TUSC3: variants seen among roughly 807,000 people sequenced by gnomAD.
The protein encoded by TUSC3 is tumor suppressor candidate 3.
In TUSC3, 45 loss-of-function variants were observed where a neutral mutation model predicts 44.8. The observed-to-expected ratio is 1.00, with a 90% CI of 0.79 to 1.29. TUSC3 has a LOEUF of 1.29. Among genes scored for constraint, TUSC3 ranks in the 50% most tolerant of loss-of-function variants. TUSC3 has a pLI of 0.00. For synonymous variants in TUSC3, 212 were observed against 152.9 expected (o/e 1.39, Z -2.85); for missense variants, 519 against 437.9 (o/e 1.19, Z -1.65).
chr8:15,571,509 T>G (rs150455510), intron 1 of TUSC3, among the ~76,000 whole-genome samples: 1 of 152,180 alleles, frequency 6.6e-6, no homozygotes, highest in South Asian at 2.1e-4. Flanking sequence ...TTAAAAAATA[T>G]GATCTTCTGA....
chr8:15,589,579 C>G (rs886915967), intron 1 of TUSC3, among the ~76,000 whole-genome samples: 2 of 152,068 alleles, frequency 1.3e-5, no homozygotes, highest in African/African-American at 4.8e-5. Context: ...AATTAGCTTG[C>G]TGCCACATTG....
intron 5 of TUSC3, among the ~76,000 whole-genome samples, chr8:15,663,020 A>T (rs1414586960): frequency 6.6e-6 from 1 of 151,952 alleles, no homozygotes; most frequent in African/African-American, 2.4e-5. Context: ...ATGGCAAGGT[A>T]GGAGGGGAAA....
At chr8:15,695,935 A>G (rs1331555309) in intron 6 of TUSC3, among the ~76,000 whole-genome samples, 1 of 152,152 alleles carries the variant, frequency 6.6e-6, no homozygotes, top group Non-Finnish European at 1.5e-5. Flanking sequence ...TGTTAAACGC[A>G]TTCAGTTTTA....
intron 1 of TUSC3, among the ~76,000 whole-genome samples, chr8:15,543,410 G>A (rs1335520053): frequency 6.6e-6 from 1 of 152,048 alleles, no homozygotes; most frequent in Non-Finnish European, 1.5e-5. Context: ...ATACCACCAT[G>A]GATGGATTTT....
intron 2 of TUSC3, among the ~76,000 whole-genome samples, chr8:15,484,371 T>C (rs911971587): frequency 3.3e-5 from 5 of 152,252 alleles, no homozygotes; most frequent in African/African-American, 1.2e-4. Context: ...TGTTTTCTAG[T>C]TGCTTCATTT....
intron 1 of TUSC3, among the ~76,000 whole-genome samples, chr8:15,549,329 A>G (rs1386641338): frequency 6.6e-6 from 1 of 151,520 alleles, no homozygotes; most frequent in Non-Finnish European, 1.5e-5. Context: ...GCACGCCACC[A>G]CATCTGGCTG....
the TUSC3 span, among the ~76,000 whole-genome samples, chr8:15,799,431 C>A: frequency 2.6e-5 from 4 of 152,160 alleles, no homozygotes; most frequent in Non-Finnish European, 5.9e-5. Flanking sequence ...TAATTCAGTG[C>A]ACCGGATTGA....
chr8:15,738,979 C>T (rs1031222020), intron 7 of TUSC3, among the ~76,000 whole-genome samples: 12 of 151,490 alleles, frequency 7.9e-5, no homozygotes, highest in African/African-American at 2.2e-4. Flanking sequence ...ACCACAGGCA[C>T]GCGCCACCAT....
At chr8:15,560,969 G>A (rs567715718) in intron 1 of TUSC3, among the ~76,000 whole-genome samples, 1 of 120,334 alleles carries the variant, frequency 8.3e-6, no homozygotes, top group African/African-American at 3.1e-5. Flanking sequence ...GTAGCTGAGA[G>A]TAATTTGATC....
chr8:15,707,192 C>G (rs1331469596), intron 6 of TUSC3, among the ~76,000 whole-genome samples: 3 of 151,942 alleles, frequency 2.0e-5, no homozygotes, highest in African/African-American at 7.2e-5. Flanking sequence ...AGTAATTGAA[C>G]TGGTAATGTA....
At chr8:15,555,168 G>GA (rs1465306970) in intron 1 of TUSC3, among the ~76,000 whole-genome samples, 11 of 120,512 alleles carry the variant, frequency 9.1e-5, no homozygotes, top group East Asian at 2.7e-4. Flanking sequence ...TTTTTGGGGG[G>GA]GACGAGATCT....
At chr8:15,755,862 G>A (rs1195570716) in intron 9 of TUSC3, among the ~76,000 whole-genome samples, 2 of 151,958 alleles carry the variant, frequency 1.3e-5, no homozygotes, top group Non-Finnish European at 2.9e-5. Context: ...AGAGCAAAGT[G>A]CTAGCAAGGA....
chr8:15,837,833 T>C, the TUSC3 span, among the ~76,000 whole-genome samples: 1 of 152,228 alleles, frequency 6.6e-6, no homozygotes, highest in Admixed American at 6.5e-5. Flanking sequence ...TCAAACCCCA[T>C]CTCTTCCTGT....
At chr8:15,518,824 T>C (rs906468006) in intron 2 of TUSC3, among the ~76,000 whole-genome samples, 2 of 152,188 alleles carry the variant, frequency 1.3e-5, no homozygotes, top group Non-Finnish European at 2.9e-5. Flanking sequence ...ACAAATTGTA[T>C]GCTCAAATTC....
intron 1 of TUSC3, among the ~76,000 whole-genome samples, chr8:15,571,304 G>C (rs1458261317): frequency 6.6e-6 from 1 of 151,994 alleles, no homozygotes; most frequent in Non-Finnish European, 1.5e-5. Flanking sequence ...TTGAATACAG[G>C]TGTAACTTTG....
chr8:15,639,001 G>C (rs1229596988), intron 2 of TUSC3, among the ~76,000 whole-genome samples: 1 of 146,836 alleles, frequency 6.8e-6, no homozygotes. Flanking sequence ...CAAGGCTTCA[G>C]TGATGATGAT....
At chr8:15,456,554 G>A (rs981853426) in intron 1 of TUSC3, among the ~76,000 whole-genome samples, 5 of 151,992 alleles carry the variant, frequency 3.3e-5, no homozygotes, top group Non-Finnish European at 5.9e-5. Context: ...TGATATTAGG[G>A]TAGAAAAAAA....
chr8:15,668,232 A>G (rs1807767974), intron 5 of TUSC3, among the ~76,000 whole-genome samples: 1 of 151,754 alleles, frequency 6.6e-6, no homozygotes, highest in Admixed American at 6.6e-5. Flanking sequence ...GTTTAAGGAC[A>G]TTTTAAGACA....
intron 1 of TUSC3, among the ~76,000 whole-genome samples, chr8:15,572,545 G>C (rs965755244): frequency 4.6e-5 from 7 of 152,126 alleles, no homozygotes; most frequent in African/African-American, 1.7e-4. Context: ...AAATTTCCTT[G>C]AAAACATTGC....
Sources: allele counts gnomAD v4.1 joint callset (sites outside exome capture counted in the v4.1 genomes callset), GRCh38; gene constraint gnomAD v4.1.1; transcripts MANE v1.5; gene names NCBI Gene and HGNC (gene_info 2026-07-23, HGNC 2026-07-21).